Variants in MARCHF1 observed in about 807,000 individuals in gnomAD.
The protein encoded by MARCHF1 is E3 ubiquitin-protein ligase MARCHF1.
A neutral mutation model predicts 54.2 loss-of-function variants in MARCHF1; 40 were observed. The ratio of observed to expected loss-of-function variants is 0.74; its 90% CI spans 0.57 to 0.96. The LOEUF is 0.96. Among genes scored for constraint, MARCHF1 ranks in the 40% least tolerant of loss-of-function variants. The probability of loss-of-function intolerance (pLI) is 0.00; values close to 1 mark genes in which losing one functional copy is unlikely to be tolerated. For missense variants in MARCHF1, 586 were observed against 656.5 expected (o/e 0.89, Z 1.17); for synonymous variants, 236 against 236.3 (o/e 1.00, Z 0.01).
intron 4 of MARCHF1, among the ~76,000 whole-genome samples, chr4:163,717,975 C>T (rs1745319553): frequency 6.6e-6 from 1 of 152,108 alleles, no homozygotes; most frequent in Non-Finnish European, 1.5e-5. Flanking sequence ...TGGAACAGAA[C>T]AGAGCCCTCA....
rs1740542267 is a variant in MARCHF1 at position 163,590,152 on chromosome 4, TA to T, written c.1011-4224del. On this transcript the variant is annotated intron_variant, in intron 7 of 9. Coordinates refer to ENST00000514618, the MANE Select transcript of MARCHF1 (RefSeq NM_001394959.1). ...GGTCTTTTTTGGGTCTTACATATCTTAAAATGGTCTTTAGTGCTCCCTGCCC... is the reference window on the plus strand; with the variant it reads ...GGTCTTTTTTGGGTCTTACATATCTTAAATGGTCTTTAGTGCTCCCTGCCC... 2.6e-5 allele frequency among the ~76,000 whole-genome samples: 4 copies of T among 151,586 alleles called. No homozygotes were observed. The South Asian group carries it at 8.3e-4, about 32-fold the overall frequency.
chr4:163,874,625 G>A (rs962539436), intron 3 of MARCHF1, among the ~76,000 whole-genome samples: 1 of 152,072 alleles, frequency 6.6e-6, no homozygotes, highest in Non-Finnish European at 1.5e-5. Context: ...TGTGGCTACA[G>A]GCATATACCA....
chr4:163,812,675 G>A (rs1748425369), intron 4 of MARCHF1, among the ~76,000 whole-genome samples: 1 of 152,018 alleles, frequency 6.6e-6, no homozygotes, highest in South Asian at 2.1e-4. Context: ...GGAGAATCAC[G>A]TGAACCTGGG....
At chr4:164,309,279 TGTGTGC>T (rs975416431) in intron 1 of MARCHF1, among the ~76,000 whole-genome samples, 1 of 150,126 alleles carries the variant, frequency 6.7e-6, no homozygotes, top group African/African-American at 2.5e-5. Context: ...TGTGTGTGTG[TGTGTGC>T]GCGTGTGTGT....
intron 4 of MARCHF1, among the ~76,000 whole-genome samples, chr4:163,716,854 C>T (rs562287946): frequency 1.5e-4 from 23 of 152,256 alleles, no homozygotes; most frequent in African/African-American, 4.6e-4. Context: ...TCCCAATAGG[C>T]AAATTAGCAA....
At chr4:164,177,002 A>C (rs1195594846) in intron 1 of MARCHF1, among the ~76,000 whole-genome samples, 1 of 92,084 alleles carries the variant, frequency 1.1e-5, no homozygotes, top group African/African-American at 5.4e-5. Flanking sequence ...ATATATATAT[A>C]TATATATACA....
At chr4:163,870,397 T>C (rs1180212354) in intron 3 of MARCHF1, among the ~76,000 whole-genome samples, 1 of 152,148 alleles carries the variant, frequency 6.6e-6, no homozygotes, top group Non-Finnish European at 1.5e-5. Context: ...TAAGCGGAAA[T>C]ATATAGCATT....
chr4:163,907,011 C>T (rs1751083972), intron 3 of MARCHF1, among the ~76,000 whole-genome samples: 1 of 151,924 alleles, frequency 6.6e-6, no homozygotes, highest in African/African-American at 2.4e-5. Context: ...TGATGCATTC[C>T]TTTTTAAACC....
chr4:164,261,356 C>T (rs969992017), intron 1 of MARCHF1, among the ~76,000 whole-genome samples: 1 of 152,072 alleles, frequency 6.6e-6, no homozygotes, highest in African/African-American at 2.4e-5. Flanking sequence ...GAAACTATGC[C>T]TCACACATTG....
chr4:163,693,305 G>T (rs1198968708), intron 5 of MARCHF1, among the ~76,000 whole-genome samples: 1 of 151,334 alleles, frequency 6.6e-6, no homozygotes, highest in African/African-American at 2.4e-5. Context: ...ACCAAATTTT[G>T]CATTTTACTT....
At chr4:163,679,979 G>GTTTTTTTTTT (rs11327231) in intron 5 of MARCHF1, among the ~76,000 whole-genome samples, 1 of 139,374 alleles carries the variant, frequency 7.2e-6, no homozygotes. Context: ...CTTTTTATCT[G>GTTTTTTTTTT]TTTTTTTTTT....
chr4:163,812,348 C>A (rs1468111676), intron 4 of MARCHF1, among the ~76,000 whole-genome samples: 2 of 151,638 alleles, frequency 1.3e-5, no homozygotes, highest in African/African-American at 4.9e-5. Context: ...TACATATACA[C>A]GTATATATAC....
chr4:163,994,766 C>A (rs901162456), intron 2 of MARCHF1, among the ~76,000 whole-genome samples: 5 of 106,850 alleles, frequency 4.7e-5, no homozygotes, highest in African/African-American at 1.7e-4. Flanking sequence ...CACACACACA[C>A]ACACACACAC....
chr4:163,542,949 G>T (rs10446773), intron 9 of MARCHF1, among the ~76,000 whole-genome samples: 59,580 of 151,936 alleles, frequency 0.39, 12,840 homozygotes, highest in Admixed American at 0.53. Flanking sequence ...GTTTGAGTGT[G>T]TGTGGTGGTG....
At chr4:163,773,941 T>C (rs946627861) in intron 4 of MARCHF1, among the ~76,000 whole-genome samples, 3 of 152,158 alleles carry the variant, frequency 2.0e-5, no homozygotes, top group African/African-American at 7.2e-5. Flanking sequence ...CCAATTGCCA[T>C]TCAAAGAAGT....
chr4:164,032,545 T>C (rs952705257), intron 2 of MARCHF1, among the ~76,000 whole-genome samples: 6 of 152,178 alleles, frequency 3.9e-5, no homozygotes, highest in African/African-American at 7.2e-5. Context: ...CTTTGATTCA[T>C]TGGTTTCATA....
rs189438569 is a variant in MARCHF1, at chr4:164,100,789, C to A, written c.-248+10799G>T. Among the ~76,000 whole-genome samples the A allele has an allele frequency of 1.5e-3, 223 of 152,332 alleles. 1 individual carries two copies. The highest frequency in any genetic ancestry group is 4.3e-3 in the Admixed American group (66 of 15,308). ...ATGGCCGAATAGGAACAGCTCCGGT[C>A]TACAGCTCCCAGCTTGAGCTACGCA... On this transcript the variant is annotated intron_variant, in intron 2 of 9. Coordinates refer to ENST00000514618, the MANE Select transcript of MARCHF1 (RefSeq NM_001394959.1).
intron 1 of MARCHF1, among the ~76,000 whole-genome samples, chr4:164,288,286 A>G (rs1734200315): frequency 1.3e-5 from 2 of 152,172 alleles, no homozygotes; most frequent in Admixed American, 1.3e-4. Flanking sequence ...AAGTACATTA[A>G]AAGTCAGAAT....
At chr4:164,325,420 T>A (rs1173026190) in intron 1 of MARCHF1, among the ~76,000 whole-genome samples, 1 of 151,416 alleles carries the variant, frequency 6.6e-6, no homozygotes, top group Non-Finnish European at 1.5e-5. Flanking sequence ...AGATGGATTG[T>A]TTAGAAATAA....
Sources: gnomAD v4.1 joint callset for allele counts (sites outside exome capture counted in the v4.1 genomes callset) on GRCh38, gnomAD v4.1.1 for gene constraint, MANE v1.5 for transcripts, NCBI Gene and HGNC (gene_info 2026-07-23, HGNC 2026-07-21) for gene names.